FIG4: variants seen among roughly 807,000 people sequenced by gnomAD.
FIG4 encodes the protein polyphosphoinositide phosphatase.
A neutral mutation model predicts 118.6 loss-of-function variants in FIG4; 112 were observed. The ratio of observed to expected loss-of-function variants is 0.94; its 90% CI spans 0.81 to 1.11. The LOEUF is 1.11. Among genes scored for constraint, FIG4 ranks in the 50% least tolerant of loss-of-function variants. FIG4 has a pLI of 0.00. For synonymous variants in FIG4, 369 were observed against 381.2 expected, an observed-to-expected ratio of 0.97 and a Z score of 0.37; for missense variants, 969 against 1,111.7, an observed-to-expected ratio of 0.87 and a Z score of 1.83.
intron 13 of FIG4, 113 bp downstream of exon 13, chr6:109,764,095 T>C: frequency 1.4e-6 from 1 of 726,306 alleles, no homozygotes; most frequent in African/African-American, 1.8e-5. Flanking sequence ...AGAATTATTA[T>C]TTGAGAATGA....
chr6:109,707,133 CTG>C (rs1481635168), intron 1 of FIG4, among the ~76,000 whole-genome samples: 54 of 152,046 alleles, frequency 3.6e-4, no homozygotes, highest in Admixed American at 3.5e-3. Context: ...GTCATCTAGA[CTG>C]TACCTCTCCT....
chr6:109,741,801 T>G (rs963616004), intron 8 of FIG4, among the ~76,000 whole-genome samples: 5 of 152,148 alleles, frequency 3.3e-5, no homozygotes, highest in African/African-American at 1.2e-4. Context: ...CTGTATACTT[T>G]AAATCATCTC....
chr6:109,715,144 G>A lies in FIG4; in HGVS notation c.133G>A (p.Glu45Lys), dbSNP rs1775389899. The change falls in exon 2 of 23, where the codon GAA (glutamate) becomes AAA (lysine). Residue 45 changes from glutamate (E) to lysine (K), a missense_variant. Physicochemically the swap from Glu to Lys is moderately conservative, Grantham distance 56 (BLOSUM62 1). This residue lies in a region of FIG4 where 393 missense variants were observed against 409.4 expected (regional missense o/e 0.96). Transcript: ENST00000230124. ...TCGTGTCTTGAAGATTGATAGAACA[G>A]AACCAAAAGATTTGGTCATAATTGA... ...KYRVLKIDRT[E>K]PKDLVIIDDR... 3 of 1,606,896 alleles carry A rather than the reference G, an allele frequency of 1.9e-6. No individual in the cohort carries two copies. The highest frequency in any genetic ancestry group is 2.6e-6 in the Non-Finnish European group (3 of 1,174,146).
At chr6:109,774,020 C>G (rs1777545035) in intron 15 of FIG4, among the ~76,000 whole-genome samples, 1 of 152,070 alleles carries the variant, frequency 6.6e-6, no homozygotes, top group African/African-American at 2.4e-5. Context: ...CTGTGTTCCC[C>G]AGGCTGGTCT....
At chr6:109,811,026 T>A (rs976439095) in intron 22 of FIG4, among the ~76,000 whole-genome samples, 1 of 152,192 alleles carries the variant, frequency 6.6e-6, no homozygotes, top group African/African-American at 2.4e-5. Context: ...TTTATTTTTT[T>A]AAAACCAAGC....
intron 3 of FIG4, among the ~76,000 whole-genome samples, chr6:109,725,186 A>G (rs772845209): frequency 2.8e-4 from 43 of 152,038 alleles, no homozygotes; most frequent in Non-Finnish European, 4.9e-4. Flanking sequence ...TGCTGTACCT[A>G]TCAACCCACC....
chr6:109,691,892 T>G lies in FIG4; in HGVS notation c.66+391T>G, dbSNP rs1036802257. On this transcript the variant is annotated intron_variant, in intron 1 of 22. Coordinates refer to ENST00000230124, the MANE Select transcript of FIG4 (RefSeq NM_014845.6). ...GCAGGGGTATGAAAAAAATTTGAAC[T>G]ATGACTTGTAACTTATTTTTTCCTA... Among the ~76,000 whole-genome samples the G allele has an allele frequency of 1.6e-4, 24 of 152,228 alleles. 1 individual carries two copies. The highest frequency in any genetic ancestry group is 1.3e-3 in the Admixed American group (20 of 15,292).
intron 22 of FIG4, among the ~76,000 whole-genome samples, chr6:109,807,003 A>G (rs995593258): frequency 8.5e-5 from 13 of 152,152 alleles, no homozygotes; most frequent in African/African-American, 3.1e-4. Context: ...CCAGTCTATC[A>G]TTGATAGGCA....
At chr6:109,768,375 C>G (rs1777346626) in intron 15 of FIG4, among the ~76,000 whole-genome samples, 1 of 152,212 alleles carries the variant, frequency 6.6e-6, no homozygotes, top group African/African-American at 2.4e-5. Flanking sequence ...CAGCTGTCCA[C>G]ATTTTCTAGG....
chr6:109,792,460 T>TAA (rs1297181044), intron 20 of FIG4, 122 bp from the exon 21 acceptor site: 1 of 682,764 alleles, frequency 1.5e-6, no homozygotes, highest in East Asian at 2.7e-5. Context: ...ATGAACAGGT[T>TAA]AAAGAAGCAC....
At chr6:109,788,108 G>C (rs1248223762) in intron 18 of FIG4, among the ~76,000 whole-genome samples, 1 of 152,098 alleles carries the variant, frequency 6.6e-6, no homozygotes, top group Non-Finnish European at 1.5e-5. Flanking sequence ...GCACTTTTAA[G>C]GTAGGCTACA....
chr6:109,823,181 A>G (rs1779061018), intron 22 of FIG4, among the ~76,000 whole-genome samples: 1 of 152,150 alleles, frequency 6.6e-6, no homozygotes. Context: ...TGTCATTGAC[A>G]TGGCTCCCTG....
At chr6:109,714,937 G>C (rs1207712276) in intron 1 of FIG4, 141 bp from the exon 2 acceptor site, 2 of 569,574 alleles carry the variant, frequency 3.5e-6, no homozygotes, top group African/African-American at 3.8e-5. Context: ...TCTTTAATCT[G>C]CCAGTTATAC....
chr6:109,778,058 A>T (rs1301105621), intron 16 of FIG4, among the ~76,000 whole-genome samples: 1 of 152,164 alleles, frequency 6.6e-6, no homozygotes, highest in African/African-American at 2.4e-5. Flanking sequence ...TACATACCAT[A>T]CATGAAGTTA....
intron 3 of FIG4, among the ~76,000 whole-genome samples, chr6:109,723,540 TG>T (rs1485898058): frequency 6.6e-6 from 1 of 152,216 alleles, no homozygotes; most frequent in African/African-American, 2.4e-5. Context: ...TACATTGTTT[TG>T]TTTGCCCAAC....
At chr6:109,732,069 G>GGAGTGA in intron 4 of FIG4, among the ~76,000 whole-genome samples, 1 of 152,184 alleles carries the variant, frequency 6.6e-6, no homozygotes, top group Non-Finnish European at 1.5e-5. Context: ...GGTTGCATTT[G>GGAGTGA]GAGTGAGAGA....
intron 16 of FIG4, among the ~76,000 whole-genome samples, chr6:109,777,418 T>C (rs954540638): frequency 2.6e-5 from 4 of 152,222 alleles, no homozygotes; most frequent in Non-Finnish European, 4.4e-5. Flanking sequence ...CTCTAAGATA[T>C]GAAGTTTCAG....
intron 22 of FIG4, among the ~76,000 whole-genome samples, chr6:109,819,989 C>T (rs1778961525): frequency 6.6e-6 from 1 of 152,126 alleles, no homozygotes; most frequent in Non-Finnish European, 1.5e-5. Context: ...AAAGTTGCTC[C>T]CACTCACATG....
At chr6:109,754,083 A>T (rs1410986772) in intron 10 of FIG4, among the ~76,000 whole-genome samples, 2 of 152,248 alleles carry the variant, frequency 1.3e-5, no homozygotes, top group Non-Finnish European at 2.9e-5. Flanking sequence ...GGTTTGACAC[A>T]GATAGCTCTT....
Sources: allele counts gnomAD v4.1 joint callset (sites outside exome capture counted in the v4.1 genomes callset), GRCh38; gene constraint gnomAD v4.1.1; regional missense constraint gnomAD v4.1.1; transcripts MANE v1.5; gene names NCBI Gene and HGNC (gene_info 2026-07-23, HGNC 2026-07-21).